Variants in CFH observed in about 807,000 individuals in gnomAD.
The protein encoded by CFH is H factor 1 (complement).
A neutral mutation model predicts 147.3 loss-of-function variants in CFH; 53 were observed. The observed-to-expected ratio is 0.36, with a 90% CI of 0.29 to 0.45. The LOEUF is 0.45. Among genes scored for constraint, CFH ranks in the 20% least tolerant of loss-of-function variants. CFH has a pLI of 1.00. For synonymous variants in CFH, 536 were observed against 489.4 expected (o/e 1.10, Z -1.26); for missense variants, 1,380 against 1,498.0 (o/e 0.92, Z 1.30).
chr1:196,676,606 T>C (rs1469251418), intron 4 of CFH, among the ~76,000 whole-genome samples: 1 of 152,106 alleles, frequency 6.6e-6, no homozygotes, highest in African/African-American at 2.4e-5. Flanking sequence ...TGTTTTCATG[T>C]TTTGAGCTAA....
At chr1:196,666,190 C>T (rs1195883956) in intron 1 of CFH, among the ~76,000 whole-genome samples, 1 of 152,092 alleles carries the variant, frequency 6.6e-6, no homozygotes, top group Admixed American at 6.5e-5. Flanking sequence ...AATTGGGTAT[C>T]CTTAGTTTAA....
At chr1:196,671,655 A>T (rs1667284108) in intron 1 of CFH, among the ~76,000 whole-genome samples, 1 of 149,820 alleles carries the variant, frequency 6.7e-6, no homozygotes, top group Non-Finnish European at 1.5e-5. Context: ...ATATATATAC[A>T]TAAATATAAA....
intron 9 of CFH, among the ~76,000 whole-genome samples, chr1:196,695,675 A>T (rs958025396): frequency 6.6e-6 from 1 of 151,828 alleles, no homozygotes; most frequent in Admixed American, 6.6e-5. Flanking sequence ...GCCCTCTCTT[A>T]TTTCCCTGAG....
chr1:196,740,553 T>C (rs1652774874), intron 17 of CFH, 66 bp from the exon 18 acceptor site: 3 of 1,474,898 alleles, frequency 2.0e-6, no homozygotes, highest in Non-Finnish European at 2.8e-6. Context: ...CTACTTAATA[T>C]TAAAACAGGC....
At chr1:196,653,213 A>C (rs1447755799) in intron 1 of CFH, among the ~76,000 whole-genome samples, 2 of 151,848 alleles carry the variant, frequency 1.3e-5, no homozygotes, top group African/African-American at 4.8e-5. Context: ...AAATATGTTT[A>C]ATACCTTTTG....
At chr1:196,689,019 A>G (rs1203173003) in intron 7 of CFH, among the ~76,000 whole-genome samples, 2 of 101,988 alleles carry the variant, frequency 2.0e-5, no homozygotes, top group African/African-American at 7.1e-5. Context: ...ACTGATGAGA[A>G]TAGAAAAAAA....
chr1:196,726,516 T>C lies in CFH; in HGVS notation c.1920T>C (p.Asn640=), dbSNP rs1269626571. Residue 640 remains asparagine (N), a synonymous_variant, in exon 13 of 22, where the codon AAT becomes AAC. Transcript: ENST00000367429. The part of the protein sequence containing the change: ...CGPPPELLNG[N]VKEKTKEEYG... ...CACCTCCTGAACTCCTCAATGGGAA[T>C]GTTAAGGAAAAAACGAAAGAAGAAT... 8.1e-6 allele frequency: 13 copies of C among 1,612,884 alleles called. No individual in the cohort carries two copies. The highest frequency in any genetic ancestry group is 2.2e-5 in the East Asian group (1 of 44,772).
At position 196,713,938 on chromosome 1, in the gene CFH, G is replaced by T. The variant is rs760713111; in HGVS notation, c.1519+21G>T. ...CATTAGTAAGTAATTTATTATGTTTGTATTGATTATCCAGATGATACACAA... is the reference window on the plus strand; with the variant it reads ...CATTAGTAAGTAATTTATTATGTTTTTATTGATTATCCAGATGATACACAA... On this transcript the variant is annotated intron_variant, in intron 10 of 21. Coordinates refer to ENST00000367429, the MANE Select transcript of CFH (RefSeq NM_000186.4). 10 of 1,601,790 alleles carry T rather than the reference G, an allele frequency of 6.2e-6. No homozygotes were observed. In the South Asian group the frequency reaches 6.6e-5, roughly 11 times the overall value.
In CFH at chr1:196,685,181, G is replaced by A. The variant is rs766408580; in HGVS notation, c.908G>A (p.Arg303Gln). ...AGAAATGGTTTTTATCCTGCAACCC[G>A]GGGAAATACAGCAAAATGCACAAGT... Reference protein sequence around the residue: ...QCRNGFYPATRGNTAKCTSTG... With the variant: ...QCRNGFYPATQGNTAKCTSTG... The change falls in exon 7 of 22, where the codon CGG becomes CAG. Residue 303 changes from arginine to glutamine, a missense_variant. By Grantham distance (43) the Arg-to-Gln change is conservative. This residue lies in a region of CFH where 167 missense variants were observed against 228.0 expected (regional missense o/e 0.73). Coordinates refer to ENST00000367429, the MANE Select transcript of CFH (RefSeq NM_000186.4). 1.9e-5 allele frequency: 31 copies of A among 1,612,756 alleles called. No homozygotes were observed. The highest frequency in any genetic ancestry group is 5.5e-5 in the South Asian group (5 of 91,070).
At chr1:196,730,767 G>C (rs1265078743) in intron 15 of CFH, among the ~76,000 whole-genome samples, 1 of 151,530 alleles carries the variant, frequency 6.6e-6, no homozygotes, top group Non-Finnish European at 1.5e-5. Context: ...TTGATGTTGG[G>C]TGCATATATA....
At chr1:196,731,327 ATATCT>A (rs1433008286) in intron 15 of CFH, among the ~76,000 whole-genome samples, 10 of 152,038 alleles carry the variant, frequency 6.6e-5, no homozygotes, top group African/African-American at 2.4e-4. Flanking sequence ...CTTGCATAAC[ATATCT>A]TATAACAGGT....
At chr1:196,746,586 C>T (rs1466684672) in intron 21 of CFH, among the ~76,000 whole-genome samples, 3 of 152,158 alleles carry the variant, frequency 2.0e-5, no homozygotes, top group Admixed American at 1.3e-4. Flanking sequence ...AAGATTACCA[C>T]AAATTAATTA....
At chr1:196,702,261 T>C (rs1364399947) in intron 9 of CFH, among the ~76,000 whole-genome samples, 2 of 152,002 alleles carry the variant, frequency 1.3e-5, no homozygotes, top group Non-Finnish European at 2.9e-5. Context: ...GATCTCTACT[T>C]CTTATAACCC....
intron 1 of CFH, among the ~76,000 whole-genome samples, chr1:196,652,571 A>G (rs1382446184): frequency 6.6e-6 from 1 of 151,900 alleles, no homozygotes; most frequent in Non-Finnish European, 1.5e-5. Flanking sequence ...TCAAATCATA[A>G]TGATTAGATT....
At chr1:196,692,578 T>C (rs1668071389) in intron 9 of CFH, among the ~76,000 whole-genome samples, 1 of 115,356 alleles carries the variant, frequency 8.7e-6, no homozygotes, top group African/African-American at 3.2e-5. Context: ...TTTCTTTTTC[T>C]TTCTTTCTTT....
At chr1:196,685,568 C>T (rs1667797275) in intron 7 of CFH, among the ~76,000 whole-genome samples, 1 of 152,044 alleles carries the variant, frequency 6.6e-6, no homozygotes, top group Admixed American at 6.6e-5. Context: ...AACATATTTA[C>T]TTAAAACAAC....
intron 15 of CFH, among the ~76,000 whole-genome samples, chr1:196,733,330 C>T (rs1364337936): frequency 6.6e-6 from 1 of 152,070 alleles, no homozygotes; most frequent in African/African-American, 2.4e-5. Context: ...CTTTTCTGCA[C>T]TGCTCCAATT....
intron 15 of CFH, among the ~76,000 whole-genome samples, chr1:196,730,835 T>A (rs1448840087): frequency 1.3e-5 from 2 of 151,822 alleles, no homozygotes; most frequent in Admixed American, 1.3e-4. Context: ...ATATAATAAC[T>A]TTCTTTGTAC....
chr1:196,690,374 T>C (rs1418727495), intron 9 of CFH, 135 bp downstream of exon 9: 1 of 1,346,440 alleles, frequency 7.4e-7, no homozygotes, highest in Admixed American at 1.8e-5. Flanking sequence ...TATTTAGTTT[T>C]TGGTTTTTCA....
Sources: allele counts gnomAD v4.1 joint callset (sites outside exome capture counted in the v4.1 genomes callset), GRCh38; gene constraint gnomAD v4.1.1; regional missense constraint gnomAD v4.1.1; transcripts MANE v1.5; gene names NCBI Gene and HGNC (gene_info 2026-07-23, HGNC 2026-07-21).